Variants in PGM5 observed in about 807,000 individuals in gnomAD.
PGM5 encodes the protein phosphoglucomutase-like protein 5.
A neutral mutation model predicts 59.2 loss-of-function variants in PGM5; 23 were observed. The ratio of observed to expected loss-of-function variants is 0.39; its 90% CI spans 0.28 to 0.55. PGM5 has a LOEUF of 0.55. Among genes scored for constraint, PGM5 ranks in the 20% least tolerant of loss-of-function variants. PGM5 has a pLI of 0.66. For synonymous variants in PGM5, 214 were observed against 286.0 expected (o/e 0.75, Z 2.54); for missense variants, 574 against 748.3 (o/e 0.77, Z 2.72).
At chr9:68,424,592 C>A (rs955413696) in intron 6 of PGM5, among the ~76,000 whole-genome samples, 4 of 152,184 alleles carry the variant, frequency 2.6e-5, no homozygotes, top group African/African-American at 9.7e-5. Flanking sequence ...GCACTACTCA[C>A]AAGAAATGTT....
chr9:68,423,367 C>A (rs782696774), intron 6 of PGM5, among the ~76,000 whole-genome samples: 2 of 152,114 alleles, frequency 1.3e-5, no homozygotes, highest in African/African-American at 4.8e-5. Context: ...CCCTGTTCAC[C>A]GCATCCACAC....
At chr9:68,513,640 A>G (rs77553466) in intron 10 of PGM5, among the ~76,000 whole-genome samples, 1 of 152,324 alleles carries the variant, frequency 6.6e-6, no homozygotes, top group East Asian at 1.9e-4. Context: ...AGTCACATTA[A>G]CAGTGATCCT....
intron 10 of PGM5, among the ~76,000 whole-genome samples, chr9:68,505,355 T>C (rs1044384606): frequency 6.6e-6 from 1 of 152,132 alleles, no homozygotes; most frequent in East Asian, 1.9e-4. Context: ...GGTGCAACAA[T>C]TCTATTCAAG....
chr9:68,371,958 T>C (rs553783249), intron 1 of PGM5, among the ~76,000 whole-genome samples: 162 of 152,346 alleles, frequency 1.1e-3, no homozygotes, highest in African/African-American at 3.7e-3. Flanking sequence ...GATCCTCCCC[T>C]AGAGCCTTTC....
chr9:68,516,609 C>T (rs968094520), intron 10 of PGM5, among the ~76,000 whole-genome samples: 8 of 152,190 alleles, frequency 5.3e-5, no homozygotes, highest in Admixed American at 2.0e-4. Context: ...TGGGGTGGGC[C>T]TCCACCATCT....
At chr9:68,371,803 A>G (rs1393486289) in intron 1 of PGM5, 1 of 152,180 alleles carries the variant, frequency 6.6e-6, no homozygotes, top group Admixed American at 6.5e-5. Context: ...ATTTATCCTG[A>G]GCTAATTGGT....
At chr9:68,499,954 A>T (rs1485351477) in intron 10 of PGM5, among the ~76,000 whole-genome samples, 1 of 152,176 alleles carries the variant, frequency 6.6e-6, no homozygotes, top group Non-Finnish European at 1.5e-5. Context: ...ACACAACCAT[A>T]AGCCTCTCCA....
At chr9:68,466,167 A>G (rs1364299166) in intron 7 of PGM5, 3 of 1,299,368 alleles carry the variant, frequency 2.3e-6, no homozygotes, top group African/African-American at 3.1e-5. Flanking sequence ...TTCAGTTTAG[A>G]TCGTCTCTAT....
chr9:68,500,384 T>C (rs781997407), intron 10 of PGM5, among the ~76,000 whole-genome samples: 6 of 152,032 alleles, frequency 3.9e-5, no homozygotes, highest in Non-Finnish European at 8.8e-5. Flanking sequence ...CTACAGATCC[T>C]TACACCTGAC....
At chr9:68,407,752 G>A (rs1457182544) in intron 6 of PGM5, among the ~76,000 whole-genome samples, 10 of 152,110 alleles carry the variant, frequency 6.6e-5, no homozygotes, top group Admixed American at 1.3e-4. Context: ...CATATTGTGA[G>A]CATTTGTTCA....
At chr9:68,480,703 A>C (rs1330633064) in intron 8 of PGM5, among the ~76,000 whole-genome samples, 1 of 151,940 alleles carries the variant, frequency 6.6e-6, no homozygotes, top group Non-Finnish European at 1.5e-5. Context: ...CATCTCAAAA[A>C]AAAAAACAAA....
At chr9:68,449,372 G>C (rs1253732164) in intron 6 of PGM5, among the ~76,000 whole-genome samples, 1 of 152,188 alleles carries the variant, frequency 6.6e-6, no homozygotes, top group East Asian at 1.9e-4. Flanking sequence ...CCAAGCCCTG[G>C]AGGGCAAAAA....
At chr9:68,480,948 A>G (rs781930414) in intron 8 of PGM5, among the ~76,000 whole-genome samples, 11 of 152,178 alleles carry the variant, frequency 7.2e-5, no homozygotes, top group African/African-American at 1.7e-4. Context: ...ATGGGTTAGG[A>G]GGAGGGAGTA....
At position 68,356,614 on chromosome 9, in the gene PGM5, C is replaced by G. The variant is rs1436422677; in HGVS notation, c.-514C>G. ...GAAACTGGTGTGTGTAGGCTGCGCACTCCCAGGGAGACAGGGAGACGGGCC... is the reference window on the plus strand; with the variant it reads ...GAAACTGGTGTGTGTAGGCTGCGCAGTCCCAGGGAGACAGGGAGACGGGCC... On this transcript the variant is annotated 5_prime_UTR_variant, in exon 1 of 11. Transcript: ENST00000396396. Among the ~76,000 whole-genome samples, 3 of 152,398 alleles carry G rather than the reference C, an allele frequency of 2.0e-5. No individual in the cohort carries two copies. The East Asian group carries it at 5.8e-4, about 29-fold the overall frequency.
chr9:68,429,740 C>T (rs1823310624), intron 6 of PGM5, among the ~76,000 whole-genome samples: 1 of 152,208 alleles, frequency 6.6e-6, no homozygotes, highest in African/African-American at 2.4e-5. Flanking sequence ...GGAGAACAGG[C>T]CACAGATTTT....
intron 6 of PGM5, among the ~76,000 whole-genome samples, chr9:68,443,890 A>G (rs1199911777): frequency 1.3e-5 from 2 of 152,196 alleles, no homozygotes; most frequent in African/African-American, 4.8e-5. Context: ...TGTAGTGTAC[A>G]TCAGGGATCA....
chr9:68,474,044 A>C (rs1554686463), intron 7 of PGM5, among the ~76,000 whole-genome samples: 1 of 152,164 alleles, frequency 6.6e-6, no homozygotes, highest in Non-Finnish European at 1.5e-5. Context: ...TTTCTGCTGA[A>C]GCAAGTGACT....
At chr9:68,481,308 G>T (rs1824192931) in intron 8 of PGM5, among the ~76,000 whole-genome samples, 2 of 152,318 alleles carry the variant, frequency 1.3e-5, no homozygotes, top group South Asian at 2.1e-4. Context: ...AGTCAAGAAA[G>T]CTGGGGATGT....
chr9:68,376,886 T>TTTTC (rs200192281), intron 1 of PGM5, among the ~76,000 whole-genome samples: 1 of 134,114 alleles, frequency 7.5e-6, no homozygotes, highest in Non-Finnish European at 1.6e-5. Flanking sequence ...TTCTTTCTTT[T>TTTTC]TTTCTTTCTT....
Sources: gnomAD v4.1 joint callset for allele counts (sites outside exome capture counted in the v4.1 genomes callset) on GRCh38, gnomAD v4.1.1 for gene constraint, MANE v1.5 for transcripts, NCBI Gene and HGNC (gene_info 2026-07-23, HGNC 2026-07-21) for gene names.